Variants in SLC44A3 observed in about 807,000 individuals in gnomAD.
SLC44A3 encodes the protein choline transporter-like protein 3.
Under a neutral mutation model 75.4 loss-of-function variants are expected in SLC44A3, and 74 were observed. The ratio of observed to expected loss-of-function variants is 0.98; its 90% CI spans 0.81 to 1.19. SLC44A3 has a LOEUF of 1.19. SLC44A3 is among the 50% of genes most tolerant of loss of function. The pLI, the probability that SLC44A3 is intolerant of heterozygous loss-of-function variation, is 0.00. For synonymous variants in SLC44A3, 310 were observed against 296.9 expected (o/e 1.04, Z -0.45); for missense variants, 700 against 778.6 (o/e 0.90, Z 1.20).
Position 94,827,506 on chromosome 1 carries a change from G to GAC in SLC44A3, c.281_282dup (p.Val95ThrfsTer5). 1 of 1,614,142 alleles carries GAC rather than the reference G, an allele frequency of 6.2e-7. No individual in the cohort carries two copies. Among genetic ancestry groups the GAC allele is most frequent in the Non-Finnish European group, 8.5e-7 (1 of 1,180,018 alleles). On this transcript the variant is annotated frameshift_variant and splice_region_variant. Transcript: ENST00000271227. LOFTEE classifies it high-confidence loss of function. ...ATTCTTCTGTTTCATCTATTTCCTA[G>GAC]ACACGTGTTCTTTATGAATTCCTGC...
chr1:94,850,350 G>T (rs758610814), intron 9 of SLC44A3, among the ~76,000 whole-genome samples: 19 of 152,144 alleles, frequency 1.2e-4, no homozygotes, highest in Admixed American at 4.6e-4. Flanking sequence ...TGGTAATCTG[G>T]TAGGTTGGAA....
intron 9 of SLC44A3, among the ~76,000 whole-genome samples, chr1:94,855,799 T>C (rs971202714): frequency 3.3e-5 from 5 of 152,196 alleles, no homozygotes; most frequent in African/African-American, 1.2e-4. Context: ...GACTCCTGAA[T>C]GACGAGCCTA....
chr1:94,883,239 A>G (rs1309426042), intron 12 of SLC44A3, among the ~76,000 whole-genome samples: 1 of 151,936 alleles, frequency 6.6e-6, no homozygotes, highest in African/African-American at 2.4e-5. Context: ...GGTGACTTAT[A>G]CCTATAATGC....
At chr1:94,886,024 G>A (rs927665355) in intron 12 of SLC44A3, among the ~76,000 whole-genome samples, 2 of 152,138 alleles carry the variant, frequency 1.3e-5, no homozygotes, top group African/African-American at 4.8e-5. Flanking sequence ...GTGCCTGGAG[G>A]AGTTACTATT....
intron 4 of SLC44A3, 78 bp downstream of exon 4, chr1:94,827,721 G>C: frequency 6.6e-7 from 1 of 1,510,144 alleles, no homozygotes; most frequent in Non-Finnish European, 9.0e-7. Flanking sequence ...CATTTACCCT[G>C]ACTCTGCTTT....
intron 12 of SLC44A3, among the ~76,000 whole-genome samples, chr1:94,874,625 C>T (rs1668086238): frequency 6.6e-6 from 1 of 152,248 alleles, no homozygotes; most frequent in Non-Finnish European, 1.5e-5. Context: ...GTGCAAATGA[C>T]TTCGACTTCC....
At chr1:94,892,558 G>T (rs1411295907) in intron 14 of SLC44A3, 41 bp downstream of exon 14, 2 of 1,575,782 alleles carry the variant, frequency 1.3e-6, no homozygotes, top group South Asian at 2.2e-5. Flanking sequence ...CTCCATGCTC[G>T]CAATCTTGAA....
At position 94,835,224 on chromosome 1, in the gene SLC44A3, A is replaced by C. The variant is rs147334484; in HGVS notation, c.510-2487A>C. 4.0e-3 allele frequency among the ~76,000 whole-genome samples: 614 copies of C among 152,294 alleles called. 13 individuals carry two copies. The highest frequency in any genetic ancestry group is 0.029 in the Admixed American group (437 of 15,296). ...CAACACTTTGAGAGGCAGAGGTGGGAGGATGGCTTGAGCTCAGGAGTTCAA... is the reference window on the plus strand; with the variant it reads ...CAACACTTTGAGAGGCAGAGGTGGGCGGATGGCTTGAGCTCAGGAGTTCAA... On this transcript the variant is annotated intron_variant, in intron 5 of 14. Coordinates refer to ENST00000271227, the MANE Select transcript of SLC44A3 (RefSeq NM_001114106.3).
intron 9 of SLC44A3, among the ~76,000 whole-genome samples, chr1:94,857,133 T>G (rs1665973968): frequency 6.6e-6 from 1 of 152,246 alleles, no homozygotes; most frequent in African/African-American, 2.4e-5. Context: ...GTCACTGTAA[T>G]TATCACCGTT....
intron 5 of SLC44A3, among the ~76,000 whole-genome samples, chr1:94,830,246 C>T (rs1342789209): frequency 1.3e-5 from 2 of 152,158 alleles, no homozygotes; most frequent in African/African-American, 4.8e-5. Context: ...GAGTCTTGCT[C>T]TTGTCACCCA....
At chr1:94,870,451 G>C (rs1667634500) in intron 12 of SLC44A3, among the ~76,000 whole-genome samples, 1 of 152,186 alleles carries the variant, frequency 6.6e-6, no homozygotes, top group Non-Finnish European at 1.5e-5. Flanking sequence ...TTGGGATAGG[G>C]CTGTGGAAGT....
Position 94,842,002 on chromosome 1 carries a change from G to C in SLC44A3, c.763G>C (p.Val255Leu), listed in dbSNP as rs1355666397. The change falls in exon 8 of 15, where the codon GTC becomes CTC. Residue 255 changes from valine (V) to leucine (L), a missense_variant and splice_region_variant. Transcript: ENST00000271227. ...TCTGCTACTGTTCTCTTTTCTAGTT[G>C]TCTGCGGTGTTTTATGGTGGCTGTA... is the stretch of plus-strand genomic sequence containing the variant. ...ISLVILGLLFVCGVLWWLYYD... is the reference protein window; with the variant it reads ...ISLVILGLLFLCGVLWWLYYD... 9 of 1,609,478 alleles carry C rather than the reference G, an allele frequency of 5.6e-6. No homozygotes were observed. The South Asian group carries it at 1.0e-4, about 18-fold the overall frequency.
chr1:94,863,729 C>T (rs1039519094), intron 10 of SLC44A3, among the ~76,000 whole-genome samples: 36 of 152,254 alleles, frequency 2.4e-4, no homozygotes, highest in African/African-American at 8.2e-4. Flanking sequence ...AGTTTTTCAG[C>T]TCCCAATATT....
intron 7 of SLC44A3, among the ~76,000 whole-genome samples, chr1:94,841,005 A>G (rs1663553866): frequency 1.3e-5 from 2 of 152,226 alleles, no homozygotes; most frequent in African/African-American, 2.4e-5. Context: ...TGAGAAATGC[A>G]TCACTCAGCA....
intron 7 of SLC44A3, among the ~76,000 whole-genome samples, chr1:94,841,024 A>T (rs1341171391): frequency 2.6e-5 from 4 of 152,198 alleles, no homozygotes; most frequent in African/African-American, 9.7e-5. Context: ...CAATTTCCTC[A>T]TTGTGTGAAC....
At chr1:94,848,708 G>A (rs565480500) in intron 9 of SLC44A3, among the ~76,000 whole-genome samples, 96 of 152,180 alleles carry the variant, frequency 6.3e-4, no homozygotes, top group Non-Finnish European at 1.1e-3. Context: ...GATTGAGGTC[G>A]ACTCTCTGCC....
intron 9 of SLC44A3, among the ~76,000 whole-genome samples, chr1:94,845,886 T>G (rs1664334602): frequency 6.6e-6 from 1 of 152,152 alleles, no homozygotes; most frequent in Non-Finnish European, 1.5e-5. Context: ...CTATGGCTCA[T>G]GCCTGTAATC....
intron 12 of SLC44A3, among the ~76,000 whole-genome samples, chr1:94,885,315 T>A (rs1049912183): frequency 1.1e-4 from 17 of 150,822 alleles, no homozygotes; most frequent in Non-Finnish European, 1.8e-4. Context: ...TGAGATCTAA[T>A]GAGACGATGA....
chr1:94,820,739 C>T (rs994174508), intron 1 of SLC44A3: 26 of 1,392,530 alleles, frequency 1.9e-5, no homozygotes, highest in Non-Finnish European at 2.3e-5. Flanking sequence ...CACTTGGCGG[C>T]AGGGGGCTTA....
Sources: gnomAD v4.1 joint callset for allele counts (sites outside exome capture counted in the v4.1 genomes callset) on GRCh38, gnomAD v4.1.1 for gene constraint, MANE v1.5 for transcripts, NCBI Gene and HGNC (gene_info 2026-07-23, HGNC 2026-07-21) for gene names.